The following CMTR1 variants were observed in gnomAD, a reference collection of about 807,000 sequenced individuals.
CMTR1 encodes cap-specific mRNA (nucleoside-2'-O-)-methyltransferase 1.
CMTR1 carries 39 observed loss-of-function variants against 107.0 expected under a neutral mutation model. The ratio of observed to expected loss-of-function variants is 0.36; its 90% CI spans 0.28 to 0.48. The LOEUF (loss-of-function observed/expected upper bound fraction) is 0.48, where lower values mean the gene tolerates loss of function less well. CMTR1 is among the 20% of genes least tolerant of loss of function. The pLI, the probability that CMTR1 is intolerant of heterozygous loss-of-function variation, is 0.99. For missense variants in CMTR1, 672 were observed against 1,064.9 expected, an observed-to-expected ratio of 0.63 and a Z score of 5.14; for synonymous variants, 366 against 379.5, an observed-to-expected ratio of 0.96 and a Z score of 0.41.
At chr6:37,464,998 G>A (rs1212635241) in intron 13 of CMTR1, among the ~76,000 whole-genome samples, 2 of 150,734 alleles carry the variant, frequency 1.3e-5, no homozygotes, top group Non-Finnish European at 2.9e-5. Flanking sequence ...GGCCGGGCGC[G>A]GTGGCTCACG....
chr6:37,426,433 G>GT, the CMTR1 span, among the ~76,000 whole-genome samples: 1 of 152,040 alleles, frequency 6.6e-6, no homozygotes, highest in Non-Finnish European at 1.5e-5. Context: ...AGGACTTGCT[G>GT]TTTTTTGTAT....
the CMTR1 span, among the ~76,000 whole-genome samples, chr6:37,424,107 G>A: frequency 6.6e-6 from 1 of 152,024 alleles, no homozygotes; most frequent in Non-Finnish European, 1.5e-5. Context: ...CTTCTAGCTT[G>A]GTTTTCTATG....
intron 18 of CMTR1, 26 bp from the exon 19 acceptor site, chr6:37,475,295 G>A (rs1761713776): frequency 6.3e-7 from 1 of 1,583,406 alleles, no homozygotes; most frequent in South Asian, 1.1e-5. Flanking sequence ...TGGCAGAGTG[G>A]GCAGTGTACC....
Position 37,473,617 on chromosome 6 carries a change from G to A in CMTR1, c.1821+16G>A. On this transcript the variant is annotated intron_variant, in intron 17 of 23. Transcript: ENST00000373451. ...CGGCCTGGGGGTAAGTCTGCAGCTG[G>A]CTTCCTGCCCAGCTTGGAATGGTGG... The A allele has an allele frequency of 6.2e-7, 1 of 1,610,806 alleles. No homozygotes were observed. The highest frequency in any genetic ancestry group is 2.2e-5 in the East Asian group (1 of 44,840).
At chr6:37,428,146 C>G in the CMTR1 span, among the ~76,000 whole-genome samples, 7 of 151,776 alleles carry the variant, frequency 4.6e-5, no homozygotes, top group South Asian at 2.1e-4. Flanking sequence ...TGTGTGTATT[C>G]AGACAGGTAA....
chr6:37,462,989 A>G lies in CMTR1; in HGVS notation c.1486A>G (p.Met496Val), dbSNP rs1398004360. ...IKGDHEFTDYMIRSNESHCSL... is the reference protein window; with the variant it reads ...IKGDHEFTDYVIRSNESHCSL... ...GGGAGACCATGAATTTACTGACTAC[A>G]TGATACGGTCCAATGAGAGGTAAGC... is the stretch of plus-strand genomic sequence containing the variant. Residue 496 changes from methionine (M) to valine (V), a missense_variant, in exon 13 of 24, where the codon ATG becomes GTG. Met to Val is a conservative substitution (Grantham distance 21). This residue lies in a region of CMTR1 where 583 missense variants were observed against 968.4 expected (regional missense o/e 0.60). Transcript: ENST00000373451. The G allele has an allele frequency of 8.1e-6, 13 of 1,614,042 alleles. No individual in the cohort carries two copies. The highest frequency in any genetic ancestry group is 1.6e-4 in the Middle Eastern group (1 of 6,082).
At chr6:37,435,812 C>T (rs1477305540) in intron 2 of CMTR1, 50 bp downstream of exon 2, 2 of 1,535,800 alleles carry the variant, frequency 1.3e-6, no homozygotes, top group Non-Finnish European at 1.7e-6. Flanking sequence ...GTTATTTGAA[C>T]ACACAGTGTC....
rs1207914718 is a variant in CMTR1 at position 37,458,309 on chromosome 6, C to A, written c.778-303C>A. Among the ~76,000 whole-genome samples the A allele has an allele frequency of 1.3e-5, 2 of 152,116 alleles. No individual in the cohort carries two copies. The highest frequency in any genetic ancestry group is 2.9e-5 in the Non-Finnish European group (2 of 68,018). ...GACCTCAGGCTATCTGCCTCTCTGG[C>A]CTCCCAAAGTGCTGGGATTACAGGC... On this transcript the variant is annotated intron_variant, in intron 8 of 23. Transcript: ENST00000373451. This position sits in a 1 kb window ranked among gnomAD's most constrained non-coding sequence, Gnocchi z 4.7.
intron 14 of CMTR1, among the ~76,000 whole-genome samples, chr6:37,471,641 C>T (rs2113891023): frequency 6.6e-6 from 1 of 152,244 alleles, no homozygotes; most frequent in East Asian, 1.9e-4. Flanking sequence ...CAGGTAATCC[C>T]ATTTCGTGTA....
At chr6:37,479,972 G>A in intron 23 of CMTR1, 41 bp from the exon 24 acceptor site, 1 of 1,490,710 alleles carries the variant, frequency 6.7e-7, no homozygotes, top group Admixed American at 2.6e-5. Context: ...TGTGCCATCT[G>A]GGTGCAGTCC....
At chr6:37,429,706 A>G (rs757739618), upstream of CMTR1, among the ~76,000 whole-genome samples, 3 of 152,226 alleles carry the variant, frequency 2.0e-5, no homozygotes, top group Non-Finnish European at 4.4e-5. Context: ...TCGGGAGGCC[A>G]AGGCAGGTGG....
the CMTR1 span, among the ~76,000 whole-genome samples, chr6:37,426,900 G>A: frequency 6.6e-6 from 1 of 152,316 alleles, no homozygotes; most frequent in African/African-American, 2.4e-5. Context: ...GAGGGCAAGA[G>A]GCTTGAAACA....
chr6:37,462,264 C>T (rs1440744819), intron 12 of CMTR1, among the ~76,000 whole-genome samples, 162 bp downstream of exon 12: 1 of 152,136 alleles, frequency 6.6e-6, no homozygotes, highest in Non-Finnish European at 1.5e-5. Flanking sequence ...ATCTTTTGGT[C>T]TTGTGATATG....
intron 6 of CMTR1, among the ~76,000 whole-genome samples, chr6:37,452,249 ACT>A (rs889986586): frequency 4.6e-5 from 7 of 152,004 alleles, no homozygotes; most frequent in African/African-American, 2.4e-5. Context: ...CGGTGGTTTT[ACT>A]CTCTCTGAGT....
Position 37,450,379 on chromosome 6 carries a change from C to T in CMTR1, c.537+36C>T, listed in dbSNP as rs567133368. The T allele has an allele frequency of 2.0e-6, 3 of 1,513,904 alleles. No individual in the cohort carries two copies. The East Asian group carries it at 6.8e-5, about 34-fold the overall frequency. 93.8% of individuals were successfully genotyped at this position (1,513,904 alleles called of 1,614,324 possible). A position where few individuals can be genotyped will look rare whatever the true frequency, so the allele number is the denominator to read the frequency against. ...AGGAAAACGTACCCTGACTTCTTGG[C>T]ATTCTCTTGACTTTTCACTTGCTCG... On this transcript the variant is annotated intron_variant, in intron 5 of 23. Coordinates refer to ENST00000373451, the MANE Select transcript of CMTR1 (RefSeq NM_015050.3).
Position 37,461,997 on chromosome 6 carries a change from A to C in CMTR1, c.1220A>C (p.Asp407Ala), listed in dbSNP as rs758786979. The C allele has an allele frequency of 1.2e-6, 2 of 1,612,902 alleles. No individual in the cohort carries two copies. ...GGCCACTTCATCTGTAAAACCTTTG[A>C]CCTGTTCACACCGTTTAGTGTGGGG... ...TGGHFICKTF[D>A]LFTPFSVGLV... is the part of the protein sequence containing the mutation. Residue 407 changes from aspartate (D) to alanine (A), a missense_variant, in exon 12 of 24, where the codon GAC becomes GCC. Coordinates refer to ENST00000373451, the MANE Select transcript of CMTR1 (RefSeq NM_015050.3).
At position 37,479,078 on chromosome 6, in the gene CMTR1, A is replaced by G. The variant is rs1319809623; in HGVS notation, c.2267-69A>G. The G allele has an allele frequency of 4.7e-6, 5 of 1,053,870 alleles. No individual in the cohort carries two copies. In the Admixed American group the frequency reaches 5.4e-5, roughly 11 times the overall value. The allele number at this position is 1,053,870 out of a possible 1,614,324, so 65.3% of individuals were successfully genotyped here. Reference sequence around the variant, plus strand: ...GAATAGGACCACCGGGAGTGGAGGAAGGTACACGCCTGTCCTCCACAAGTG... The same window carrying G: ...GAATAGGACCACCGGGAGTGGAGGAGGGTACACGCCTGTCCTCCACAAGTG... On this transcript the variant is annotated intron_variant, in intron 22 of 23. Transcript: ENST00000373451.
At chr6:37,454,265 T>C (rs890428410) in intron 8 of CMTR1, among the ~76,000 whole-genome samples, 2 of 152,150 alleles carry the variant, frequency 1.3e-5, no homozygotes, top group Non-Finnish European at 2.9e-5. Flanking sequence ...TAAAGAAACT[T>C]GTTTTCCAAG....
chr6:37,426,885 A>G, the CMTR1 span, among the ~76,000 whole-genome samples: 1 of 152,344 alleles, frequency 6.6e-6, no homozygotes, highest in Non-Finnish European at 1.5e-5. Context: ...GAGTCACTTC[A>G]ACCAGAGGGC....
Sources: gnomAD v4.1 joint callset for allele counts (sites outside exome capture counted in the v4.1 genomes callset) on GRCh38, gnomAD v4.1.1 for gene constraint, gnomAD v4.1.1 regional missense constraint, Gnocchi (gnomAD v3.1) non-coding constraint, MANE v1.5 for transcripts, NCBI Gene and HGNC (gene_info 2026-07-23, HGNC 2026-07-21) for gene names.